Variants in CENPW observed in about 807,000 individuals in gnomAD.
CENPW encodes cancer-up-regulated gene 2 protein.
CENPW carries 3 observed loss-of-function variants against 11.1 expected under a neutral mutation model. The ratio of observed to expected loss-of-function variants is 0.27; its 90% CI spans 0.12 to 0.70. The LOEUF is 0.70. Among genes scored for constraint, CENPW ranks in the 30% least tolerant of loss-of-function variants. The probability of loss-of-function intolerance (pLI) is 0.77; values close to 1 mark genes in which losing one functional copy is unlikely to be tolerated. For synonymous variants in CENPW, 38 were observed against 42.0 expected, an observed-to-expected ratio of 0.91 and a Z score of 0.37; for missense variants, 100 against 105.6, an observed-to-expected ratio of 0.95 and a Z score of 0.23.
the CENPW span, among the ~76,000 whole-genome samples, chr6:126,450,553 GCTTT>G: frequency 2.7e-5 from 4 of 150,770 alleles, no homozygotes; most frequent in African/African-American, 9.7e-5. Context: ...ACAGAAAAAA[GCTTT>G]TTGACTTATT....
chr6:126,352,512 T>C (rs1485633854), downstream of CENPW, among the ~76,000 whole-genome samples: 1 of 152,136 alleles, frequency 6.6e-6, no homozygotes, highest in East Asian at 1.9e-4. Flanking sequence ...TCTTGAGATA[T>C]TATCATCTCT....
chr6:126,358,843 CAAAATTTAATCATAAATG>C, the CENPW span, among the ~76,000 whole-genome samples: 2 of 151,878 alleles, frequency 1.3e-5, no homozygotes, highest in African/African-American at 4.8e-5. Flanking sequence ...TAACAAGTTC[CAAAATTTAATCATAAATG>C]AAAAGAAAAA....
chr6:126,424,710 CA>C, the CENPW span, among the ~76,000 whole-genome samples: 2 of 152,148 alleles, frequency 1.3e-5, no homozygotes, highest in Non-Finnish European at 2.9e-5. Context: ...GTTGGATGGC[CA>C]TGGGTTGGAT....
the CENPW span, among the ~76,000 whole-genome samples, chr6:126,385,242 G>A: frequency 2.0e-5 from 3 of 152,006 alleles, no homozygotes; most frequent in Non-Finnish European, 2.9e-5. Flanking sequence ...TCAACCCAGC[G>A]ATCCCATTAC....
intron 2 of CENPW, among the ~76,000 whole-genome samples, chr6:126,347,341 T>C (rs999942545): frequency 6.6e-5 from 10 of 152,186 alleles, no homozygotes; most frequent in Admixed American, 5.9e-4. Flanking sequence ...CCATGTACCC[T>C]GTATCCAGTT....
chr6:126,412,152 G>C, the CENPW span, among the ~76,000 whole-genome samples: 2 of 109,160 alleles, frequency 1.8e-5, no homozygotes, highest in African/African-American at 6.9e-5. Context: ...ATGCCTGGTT[G>C]AGTTTTTAAA....
chr6:126,346,157 G>A, intron 1 of CENPW, 48 bp from the exon 2 acceptor site: 2 of 929,956 alleles, frequency 2.2e-6, no homozygotes, highest in East Asian at 2.5e-5. Context: ...TTATTTCAAT[G>A]CATCAGTATT....
chr6:126,360,836 C>G, the CENPW span, among the ~76,000 whole-genome samples: 33 of 152,182 alleles, frequency 2.2e-4, no homozygotes, highest in African/African-American at 7.5e-4. Context: ...TTACTGGATT[C>G]CTTGGATTGG....
At position 126,340,329 on chromosome 6, in the gene CENPW, G is replaced by A. The variant is rs551526114; in HGVS notation, c.56G>A (p.Arg19His). 6.2e-7 allele frequency: 1 copy of A among 1,614,056 alleles called. No individual in the cohort carries two copies. Among genetic ancestry groups the A allele is most frequent in the East Asian group, 2.2e-5 (1 of 44,870 alleles). The change falls in exon 1 of 3, where the codon CGT (arginine) becomes CAT (histidine). Residue 19 changes from arginine (R) to histidine (H), a missense_variant. Transcript: ENST00000368328. ...QRKQIKRKAPRGFLKRVFKRK... is the reference protein window; with the variant it reads ...QRKQIKRKAPHGFLKRVFKRK... ...AAGCAGATAAAGCGGAAGGCTCCCC[G>A]TGGCTTTCTAAAGCGAGTCTTCAAG...
chr6:126,406,299 T>C, the CENPW span, among the ~76,000 whole-genome samples: 1 of 152,196 alleles, frequency 6.6e-6, no homozygotes, highest in Non-Finnish European at 1.5e-5. Flanking sequence ...AAATCCCACT[T>C]GATTATGGGT....
chr6:126,417,555 G>A, the CENPW span, among the ~76,000 whole-genome samples: 1 of 152,068 alleles, frequency 6.6e-6, no homozygotes, highest in Non-Finnish European at 1.5e-5. Flanking sequence ...TCAAATAATG[G>A]GTGTGGGTCT....
chr6:126,411,946 TTTCC>T, the CENPW span, among the ~76,000 whole-genome samples: 6 of 35,696 alleles, frequency 1.7e-4, no homozygotes, highest in African/African-American at 4.3e-4. Flanking sequence ...CCTCCCTCCT[TTTCC>T]TCCCTCCCTC....
chr6:126,355,357 G>A, the CENPW span, among the ~76,000 whole-genome samples: 1 of 152,054 alleles, frequency 6.6e-6, no homozygotes, highest in Non-Finnish European at 1.5e-5. Flanking sequence ...ACTCTAAAAT[G>A]TTTACCTATC....
chr6:126,398,638 T>C, the CENPW span, among the ~76,000 whole-genome samples: 3 of 152,098 alleles, frequency 2.0e-5, no homozygotes, highest in Non-Finnish European at 4.4e-5. Context: ...ATTTAAATTA[T>C]TTTATTTTGT....
At chr6:126,404,819 A>T in the CENPW span, among the ~76,000 whole-genome samples, 8 of 147,690 alleles carry the variant, frequency 5.4e-5, no homozygotes, top group African/African-American at 2.0e-4. Flanking sequence ...CTGTATATTC[A>T]GCTCATTGAC....
the CENPW span, among the ~76,000 whole-genome samples, chr6:126,438,691 A>ACACCC: frequency 6.6e-6 from 1 of 151,732 alleles, no homozygotes; most frequent in African/African-American, 2.4e-5. Flanking sequence ...TGCAATAGAT[A>ACACCC]CACCCCAGAT....
the CENPW span, among the ~76,000 whole-genome samples, chr6:126,428,871 CTATAAT>C: frequency 2.0e-5 from 3 of 152,032 alleles, no homozygotes; most frequent in East Asian, 5.8e-4. Flanking sequence ...AAGAAAATAA[CTATAAT>C]TATATATTCC....
At chr6:126,449,575 A>G in the CENPW span, among the ~76,000 whole-genome samples, 12 of 151,152 alleles carry the variant, frequency 7.9e-5, no homozygotes, top group East Asian at 3.9e-4. Context: ...ACAGGGACCA[A>G]TTAATCTCTG....
chr6:126,342,762 G>C (rs1246734959), intron 1 of CENPW, among the ~76,000 whole-genome samples: 1 of 152,002 alleles, frequency 6.6e-6, no homozygotes, highest in Non-Finnish European at 1.5e-5. Flanking sequence ...CTGGGAACTT[G>C]AATTTGGAAA....
Sources: gnomAD v4.1 joint callset for allele counts (sites outside exome capture counted in the v4.1 genomes callset) on GRCh38, gnomAD v4.1.1 for gene constraint, MANE v1.5 for transcripts, NCBI Gene and HGNC (gene_info 2026-07-23, HGNC 2026-07-21) for gene names.